LARGE1: variants seen among roughly 807,000 people sequenced by gnomAD.
LARGE1 encodes LARGE xylosyl- and glucuronyltransferase 1.
Under a neutral mutation model 87.6 loss-of-function variants are expected in LARGE1, and 43 were observed. The observed-to-expected ratio is 0.49, with a 90% CI of 0.38 to 0.63. LARGE1 has a LOEUF of 0.63. Among genes scored for constraint, LARGE1 ranks in the 30% least tolerant of loss-of-function variants. The pLI is 0.00. For missense variants in LARGE1, 802 were observed against 1,000.2 expected, an observed-to-expected ratio of 0.80 and a Z score of 2.67; for synonymous variants, 434 against 394.6, an observed-to-expected ratio of 1.10 and a Z score of -1.18.
intron 2 of LARGE1, among the ~76,000 whole-genome samples, chr22:33,661,676 C>T (rs1315194505): frequency 6.6e-6 from 1 of 152,058 alleles, no homozygotes; most frequent in Non-Finnish European, 1.5e-5. Context: ...GGCTTCTGTG[C>T]CCCTCCTGCT....
chr22:33,508,948 G>A (rs2070905059), intron 6 of LARGE1, among the ~76,000 whole-genome samples: 1 of 152,116 alleles, frequency 6.6e-6, no homozygotes, highest in Non-Finnish European at 1.5e-5. Flanking sequence ...AACTACCCTG[G>A]TGACAAGTGC....
intron 11 of LARGE1, among the ~76,000 whole-genome samples, chr22:33,260,554 G>T (rs559804387): frequency 3.6e-4 from 52 of 145,902 alleles, no homozygotes; most frequent in African/African-American, 1.3e-3. Flanking sequence ...TATTTCATAG[G>T]GTTTGCCTGG....
At chr22:33,296,509 G>A (rs1245793149) in intron 12 of LARGE1, among the ~76,000 whole-genome samples, 2 of 151,888 alleles carry the variant, frequency 1.3e-5, no homozygotes, top group South Asian at 2.1e-4. Flanking sequence ...AACAGGCTAA[G>A]CATAGAACAC....
chr22:33,679,234 T>C (rs2081671994), intron 2 of LARGE1, among the ~76,000 whole-genome samples: 1 of 152,210 alleles, frequency 6.6e-6, no homozygotes, highest in Non-Finnish European at 1.5e-5. Flanking sequence ...CAATCACCTA[T>C]GTGCCAGACA....
intron 10 of LARGE1, among the ~76,000 whole-genome samples, chr22:33,334,588 C>G (rs188050972): frequency 6.6e-6 from 1 of 152,198 alleles, no homozygotes; most frequent in Middle Eastern, 3.4e-3. Flanking sequence ...ATAGCAAGCA[C>G]GAAAGCCCTA....
At chr22:33,828,415 C>T (rs777459024) in intron 1 of LARGE1, among the ~76,000 whole-genome samples, 39 of 130,370 alleles carry the variant, frequency 3.0e-4, no homozygotes, top group Admixed American at 8.0e-4. Context: ...CTGCAGAGTT[C>T]AGAAAAGATG....
chr22:33,074,756 GA>G, the LARGE1 span, among the ~76,000 whole-genome samples: 1 of 152,166 alleles, frequency 6.6e-6, no homozygotes, highest in South Asian at 2.1e-4. Context: ...CTACAGAGGA[GA>G]AAGGGTCCTT....
At chr22:33,210,514 G>A (rs1924907310) in intron 11 of LARGE1, among the ~76,000 whole-genome samples, 1 of 152,214 alleles carries the variant, frequency 6.6e-6, no homozygotes, top group Admixed American at 6.5e-5. Flanking sequence ...AGGCCTCAGA[G>A]GGAGGTCCTC....
chr22:33,255,726 G>T (rs191129980), intron 11 of LARGE1, among the ~76,000 whole-genome samples: 227 of 152,190 alleles, frequency 1.5e-3, no homozygotes, highest in Non-Finnish European at 2.5e-3. Flanking sequence ...GCACCCAAAA[G>T]GACCCTACCT....
intron 11 of LARGE1, among the ~76,000 whole-genome samples, chr22:33,203,927 T>C (rs1924551966): frequency 6.6e-6 from 1 of 152,164 alleles, no homozygotes; most frequent in Non-Finnish European, 1.5e-5. Context: ...GGTGTCAACA[T>C]TTCCATACTT....
exon 12 of LARGE1, chr22:33,166,754 C>A: frequency 4.2e-6 from 2 of 471,346 alleles, no homozygotes; most frequent in Non-Finnish European, 8.8e-6. Flanking sequence ...AAGCCAACGC[C>A]GAGGACAATT....
chr22:33,850,886 A>G (rs1431396620), intron 1 of LARGE1, among the ~76,000 whole-genome samples: 11 of 151,984 alleles, frequency 7.2e-5, no homozygotes, highest in Admixed American at 5.9e-4. Flanking sequence ...CCAAGACCCT[A>G]TAAGTAACCT....
intron 6 of LARGE1, among the ~76,000 whole-genome samples, chr22:33,550,136 A>G (rs1185744632): frequency 2.3e-5 from 3 of 132,392 alleles, no homozygotes; most frequent in African/African-American, 8.3e-5. Context: ...CCTAGAACTT[A>G]AAGTATACAC....
the LARGE1 span, among the ~76,000 whole-genome samples, chr22:33,142,558 T>C: frequency 3.3e-5 from 5 of 152,136 alleles, no homozygotes; most frequent in Non-Finnish European, 1.5e-5. Flanking sequence ...CACACACTGA[T>C]AGAACTTCTA....
At chr22:33,440,349 T>C (rs1420760408) in intron 6 of LARGE1, among the ~76,000 whole-genome samples, 1 of 152,210 alleles carries the variant, frequency 6.6e-6, no homozygotes, top group Admixed American at 6.5e-5. Context: ...GCTCTAGCTG[T>C]GATCTGCAGG....
intron 6 of LARGE1, among the ~76,000 whole-genome samples, chr22:33,558,921 G>A (rs1273195903): frequency 6.6e-6 from 1 of 152,202 alleles, no homozygotes; most frequent in African/African-American, 2.4e-5. Context: ...GGAGTCCTTA[G>A]AGAAAATGGA....
At chr22:33,522,601 G>C (rs2071664657) in intron 6 of LARGE1, among the ~76,000 whole-genome samples, 2 of 152,112 alleles carry the variant, frequency 1.3e-5, no homozygotes, top group Non-Finnish European at 2.9e-5. Context: ...GGGAGGCCAA[G>C]GTGGGTGGAT....
At chr22:33,777,364 G>A (rs566482829) in intron 1 of LARGE1, among the ~76,000 whole-genome samples, 86 of 152,244 alleles carry the variant, frequency 5.6e-4, no homozygotes, top group African/African-American at 1.8e-3. Context: ...ATGGCCAGGC[G>A]TCGTGGCTCA....
chr22:33,267,863 C>T (rs1448179488), downstream of LARGE1, among the ~76,000 whole-genome samples: 1 of 151,410 alleles, frequency 6.6e-6, no homozygotes, highest in African/African-American at 2.5e-5. Flanking sequence ...TTAGTTTTAC[C>T]TAAGTATTAT....
Sources: allele counts gnomAD v4.1 joint callset (sites outside exome capture counted in the v4.1 genomes callset), GRCh38; gene constraint gnomAD v4.1.1; transcripts MANE v1.5; gene names NCBI Gene and HGNC (gene_info 2026-07-23, HGNC 2026-07-21).